The following LRRC37A2 variants were observed in gnomAD, a reference collection of about 807,000 sequenced individuals.
The protein encoded by LRRC37A2 is leucine rich repeat containing 37 member A2, also known as leucine-rich repeat-containing protein 37A2.
In LRRC37A2, 9 loss-of-function variants were observed where a neutral mutation model predicts 68.8. The observed-to-expected ratio is 0.13, with a 90% CI of 0.08 to 0.23. LRRC37A2 has a LOEUF of 0.23. Among genes scored for constraint, LRRC37A2 ranks in the 10% least tolerant of loss-of-function variants. LRRC37A2 has a pLI of 1.00. For synonymous variants in LRRC37A2, 63 were observed against 367.6 expected (o/e 0.17, Z 9.48); for missense variants, 168 against 950.4 (o/e 0.18, Z 10.82).
chr17:46,768,242 C>T, the LRRC37A2 span: 7 of 1,601,970 alleles, frequency 4.4e-6, no homozygotes, highest in Non-Finnish European at 6.0e-6. The surrounding 1 kb of genome is among the most constrained non-coding windows in gnomAD (Gnocchi z 5.0). Context: ...GTCAAGAAGA[C>T]GAGATGGGCA....
At chr17:46,880,094 T>C in the LRRC37A2 span, among the ~76,000 whole-genome samples, 1 of 152,248 alleles carries the variant, frequency 6.6e-6, no homozygotes, top group Non-Finnish European at 1.5e-5. Flanking sequence ...TGGGCCTGCA[T>C]GTCCTCCTGC....
At chr17:46,722,575 G>A in the LRRC37A2 span, among the ~76,000 whole-genome samples, 2 of 152,134 alleles carry the variant, frequency 1.3e-5, no homozygotes, top group Non-Finnish European at 2.9e-5. Flanking sequence ...CTAACCTCAC[G>A]TACTTGCCAG....
the LRRC37A2 span, among the ~76,000 whole-genome samples, chr17:46,746,563 A>C: frequency 3.3e-5 from 5 of 152,042 alleles, no homozygotes; most frequent in Non-Finnish European, 5.9e-5. Flanking sequence ...ATTAGTCTTT[A>C]CTGAAGACTT....
chr17:46,829,774 TG>T, the LRRC37A2 span, among the ~76,000 whole-genome samples: 3 of 46,096 alleles, frequency 6.5e-5, no homozygotes, highest in African/African-American at 8.8e-5. Context: ...GAGTAGGGGG[TG>T]GGGGCAAAGT....
the LRRC37A2 span, among the ~76,000 whole-genome samples, chr17:46,788,171 T>C: frequency 6.6e-6 from 1 of 152,184 alleles, no homozygotes; most frequent in African/African-American, 2.4e-5. Flanking sequence ...TGGCCAGCTT[T>C]TCCTCCTGGA....
At chr17:46,989,872 G>A in the LRRC37A2 span, among the ~76,000 whole-genome samples, 1 of 152,216 alleles carries the variant, frequency 6.6e-6, no homozygotes, top group African/African-American at 2.4e-5. Context: ...GACATTTAGG[G>A]AAACTATTTT....
the LRRC37A2 span, among the ~76,000 whole-genome samples, chr17:46,816,653 C>A: frequency 6.6e-6 from 1 of 152,148 alleles, no homozygotes; most frequent in Non-Finnish European, 1.5e-5. Flanking sequence ...TGGGCAATCC[C>A]TATCTAGATG....
the LRRC37A2 span, among the ~76,000 whole-genome samples, chr17:46,809,981 TTCCTC>T: frequency 2.0e-5 from 3 of 151,660 alleles, no homozygotes; most frequent in Admixed American, 6.6e-5. Context: ...CTAGCTCTTA[TTCCTC>T]TCCTCTTTTC....
At chr17:46,872,726 A>C in the LRRC37A2 span, 2 of 1,608,228 alleles carry the variant, frequency 1.2e-6, no homozygotes, top group Non-Finnish European at 1.7e-6. Flanking sequence ...TTCCGGCATG[A>C]GCGCTGGAAC....
chr17:46,734,373 A>T, the LRRC37A2 span, among the ~76,000 whole-genome samples: 2 of 152,030 alleles, frequency 1.3e-5, no homozygotes, highest in African/African-American at 2.4e-5. Context: ...TGACTTTTGC[A>T]TTGGGCTTCA....
the LRRC37A2 span, among the ~76,000 whole-genome samples, chr17:46,779,261 T>C: frequency 9.2e-5 from 14 of 152,116 alleles, no homozygotes; most frequent in Non-Finnish European, 1.3e-4. Context: ...AGGACAAGAC[T>C]CCTTGGTTCC....
At chr17:46,887,679 G>A in the LRRC37A2 span, among the ~76,000 whole-genome samples, 3 of 152,024 alleles carry the variant, frequency 2.0e-5, no homozygotes, top group South Asian at 2.1e-4. Context: ...CAGGAGAATC[G>A]CTTGAACCCA....
At chr17:46,743,030 C>T in the LRRC37A2 span, among the ~76,000 whole-genome samples, 1 of 152,184 alleles carries the variant, frequency 6.6e-6, no homozygotes, top group Non-Finnish European at 1.5e-5. Flanking sequence ...CTCCCTGAGG[C>T]CCCACGCTGC....
chr17:46,530,481 C>G (rs1243117765), intron 6 of LRRC37A2, among the ~76,000 whole-genome samples: 1 of 131,272 alleles, frequency 7.6e-6, no homozygotes, highest in Admixed American at 8.2e-5. Context: ...CAAGGCAGGA[C>G]AAGCTGTGTG....
chr17:46,726,551 C>A, the LRRC37A2 span: 2 of 1,613,840 alleles, frequency 1.2e-6, no homozygotes, highest in South Asian at 1.1e-5. Flanking sequence ...TCTTTCAGAT[C>A]TTTGATGATG....
At chr17:46,739,207 C>A in the LRRC37A2 span, among the ~76,000 whole-genome samples, 1 of 151,978 alleles carries the variant, frequency 6.6e-6, no homozygotes, top group Non-Finnish European at 1.5e-5. Flanking sequence ...CCCGCCTCTA[C>A]TAAAAATACA....
the LRRC37A2 span, among the ~76,000 whole-genome samples, chr17:46,456,207 GATATGTGTGTGT>G: frequency 3.5e-3 from 350 of 100,226 alleles, 18 homozygotes; most frequent in African/African-American, 0.011. Flanking sequence ...TATTCCATGG[GATATGTGTGTGT>G]GTGTGTGTGT....
the LRRC37A2 span, among the ~76,000 whole-genome samples, chr17:46,722,483 T>C: frequency 6.6e-6 from 1 of 152,210 alleles, no homozygotes; most frequent in African/African-American, 2.4e-5. Context: ...CCTCTCCTCC[T>C]GCTGGGATTT....
At chr17:47,038,359 T>C in the LRRC37A2 span, among the ~76,000 whole-genome samples, 2 of 151,966 alleles carry the variant, frequency 1.3e-5, no homozygotes, top group Admixed American at 6.6e-5. Context: ...TGCATACCTA[T>C]AATCCCTGTA....
Sources: allele counts gnomAD v4.1 joint callset (sites outside exome capture counted in the v4.1 genomes callset), GRCh38; gene constraint gnomAD v4.1.1; non-coding constraint Gnocchi (gnomAD v3.1); transcripts MANE v1.5; gene names NCBI Gene and HGNC (gene_info 2026-07-23, HGNC 2026-07-21).